Variants in TUT4 observed in about 807,000 individuals in gnomAD.
The protein encoded by TUT4 is terminal uridylyl transferase 4, also known as terminal uridylyltransferase 4.
A neutral mutation model predicts 192.2 loss-of-function variants in TUT4; 36 were observed. The observed-to-expected ratio is 0.19, with a 90% CI of 0.14 to 0.25. TUT4 has a LOEUF of 0.25. TUT4 is among the 10% of genes least tolerant of loss of function. TUT4 has a pLI of 1.00. For missense variants in TUT4, 1,493 were observed against 1,957.2 expected (o/e 0.76, Z 4.47); for synonymous variants, 618 against 666.0 (o/e 0.93, Z 1.11).
rs200310164 is a variant in TUT4, at chr1:52,431,064, G to A, written c.4660C>T (p.Arg1554Cys). The A allele has an allele frequency of 5.0e-5, 81 of 1,612,454 alleles. No individual in the cohort carries two copies. Among genetic ancestry groups the A allele is most frequent in the Middle Eastern group, 1.7e-4 (1 of 6,056 alleles). ...PNTSHDGHWP[R>C]TVAPNSLVNS... ...ACCAGGGAATTTGGAGCCACAGTAC[G>A]GGGCCAGTGTCCATCGTGAGACGTG... Residue 1554 changes from arginine to cysteine, a missense_variant, in exon 28 of 30, where the codon CGT (arginine) becomes TGT (cysteine). This residue lies in a region of TUT4 where 351 missense variants were observed against 397.8 expected (regional missense o/e 0.88). Transcript: ENST00000257177.
In TUT4 at chr1:52,508,825, AT is replaced by A. The variant is rs1430613991; in HGVS notation, c.999+770del. On this transcript the variant is annotated intron_variant, in intron 4 of 29. Coordinates refer to ENST00000257177, the MANE Select transcript of TUT4 (RefSeq NM_001009881.3). ...AATTAAATAGCTAATTTACTAATAC[AT>A]TTTTAAAAGCCCTCTATTCATATCT... Among the ~76,000 whole-genome samples the A allele has an allele frequency of 2.6e-5, 4 of 152,218 alleles. No individual in the cohort carries two copies. In the South Asian group the frequency reaches 8.3e-4, roughly 32 times the overall value.
Position 52,504,522 on chromosome 1 carries a change from C to T in TUT4, c.999+5074G>A, listed in dbSNP as rs374072669. On this transcript the variant is annotated intron_variant, in intron 4 of 29. Coordinates refer to ENST00000257177, the MANE Select transcript of TUT4 (RefSeq NM_001009881.3). Reference sequence around the variant, plus strand: ...GCATGCACTTGTAATCCCAGCTACTCGGGAGGCTGAAGCAGAAGAACTGCT... The same window carrying T: ...GCATGCACTTGTAATCCCAGCTACTTGGGAGGCTGAAGCAGAAGAACTGCT... 1.1e-4 allele frequency among the ~76,000 whole-genome samples: 17 copies of T among 152,104 alleles called. No individual in the cohort carries two copies. The South Asian group carries it at 2.9e-3, about 26-fold the overall frequency.
chr1:52,477,603 C>T (rs1021663008), intron 12 of TUT4, 105 bp downstream of exon 12: 2 of 1,082,356 alleles, frequency 1.8e-6, no homozygotes, highest in African/African-American at 3.2e-5. Flanking sequence ...AATCTAGTGA[C>T]ATATATATAT....
intron 3 of TUT4, among the ~76,000 whole-genome samples, chr1:52,514,366 A>C (rs946651936): frequency 6.6e-6 from 1 of 152,138 alleles, no homozygotes; most frequent in African/African-American, 2.4e-5. Context: ...GCTTGAACCC[A>C]GGAGGTAGAG....
chr1:52,482,340 A>C (rs1159852285), intron 9 of TUT4, among the ~76,000 whole-genome samples: 1 of 152,130 alleles, frequency 6.6e-6, no homozygotes, highest in African/African-American at 2.4e-5. Context: ...TTTCAACATT[A>C]TTTTACCAAA....
intron 11 of TUT4, among the ~76,000 whole-genome samples, chr1:52,480,249 C>A (rs1372849867): frequency 6.6e-6 from 1 of 152,044 alleles, no homozygotes; most frequent in Non-Finnish European, 1.5e-5. Context: ...AAAAAAGAAA[C>A]CAGCAAAGGA....
In TUT4 at chr1:52,474,917, T is replaced by C. The variant is rs772448859; in HGVS notation, c.2642A>G (p.Asp881Gly). ...ATSCNCKATE[D>G]ASDLNDDDNL... ...ATCATCATCATTAAGGTCAGAAGCA[T>C]CTTCTGTAGCTTTGCAGTTGCAAGA... Residue 881 changes from aspartate (D) to glycine (G), a missense_variant, in exon 13 of 30, where the codon GAT (aspartate) becomes GGT (glycine). Transcript: ENST00000257177. 1.2e-6 allele frequency: 2 copies of C among 1,614,154 alleles called. No individual in the cohort carries two copies. Among genetic ancestry groups the C allele is most frequent in the East Asian group, 2.2e-5 (1 of 44,874 alleles).
rs751863969 is a variant in TUT4 at position 52,423,901 on chromosome 1, A to G, written c.*34T>C. The G allele has an allele frequency of 2.5e-6, 4 of 1,607,388 alleles. No individual in the cohort carries two copies. The highest frequency in any genetic ancestry group is 3.4e-6 in the Non-Finnish European group (4 of 1,176,968). ...CAGCAGGATTGGCTGGTTGCTGTGC[A>G]TCGGTAGACCAGCTGAAAGAAAATG... On this transcript the variant is annotated 3_prime_UTR_variant, in exon 30 of 30. Coordinates refer to ENST00000257177, the MANE Select transcript of TUT4 (RefSeq NM_001009881.3).
chr1:52,469,761 G>C (rs1030218492), intron 14 of TUT4, among the ~76,000 whole-genome samples: 1 of 151,734 alleles, frequency 6.6e-6, no homozygotes, highest in Admixed American at 6.6e-5. Flanking sequence ...GTGATGGCAC[G>C]AGCCTGTAGT....
At chr1:52,528,703 G>C (rs1682530178) in intron 1 of TUT4, among the ~76,000 whole-genome samples, 1 of 151,778 alleles carries the variant, frequency 6.6e-6, no homozygotes, top group African/African-American at 2.4e-5. Flanking sequence ...TACAAATTTA[G>C]GTAAACATCT....
chr1:52,532,892 C>T (rs2149536945), intron 1 of TUT4, among the ~76,000 whole-genome samples: 1 of 152,296 alleles, frequency 6.6e-6, no homozygotes, highest in Non-Finnish European at 1.5e-5. Context: ...ATGTGGCCTT[C>T]TGATAAAGTT....
intron 1 of TUT4, among the ~76,000 whole-genome samples, chr1:52,541,248 T>G (rs1248254840): frequency 2.7e-5 from 4 of 145,620 alleles, no homozygotes; most frequent in Non-Finnish European, 6.0e-5. Flanking sequence ...AACTTCTACA[T>G]CAGGCTGGGC....
At chr1:52,525,469 A>G (rs979793052) in intron 2 of TUT4, 94 bp downstream of exon 2, 2 of 1,444,560 alleles carry the variant, frequency 1.4e-6, no homozygotes, top group Admixed American at 5.2e-5. Flanking sequence ...CTAAACAATT[A>G]TGTATAAACA....
chr1:52,446,817 C>A, intron 20 of TUT4, 150 bp from the exon 21 acceptor site: 2 of 581,582 alleles, frequency 3.4e-6, no homozygotes, highest in East Asian at 3.0e-5. Flanking sequence ...TAATTTGATG[C>A]CAAGAAGTTA....
intron 19 of TUT4, among the ~76,000 whole-genome samples, chr1:52,460,780 T>C (rs1662336632): frequency 6.6e-6 from 1 of 152,212 alleles, no homozygotes. Context: ...TGTTTTGTTT[T>C]CTGGGTCAGA....
chr1:52,498,558 C>T (rs976360515), intron 4 of TUT4, among the ~76,000 whole-genome samples: 12 of 151,480 alleles, frequency 7.9e-5, no homozygotes, highest in African/African-American at 2.9e-4. Context: ...CACTTAGGAT[C>T]CATCCAAAGA....
rs202157590 is a variant in TUT4, at chr1:52,423,587, T to A, written c.*348A>T. ...ATAGAAAATAAAGAATGTAATTTTT[T>A]AAATTCTCTCTTTATACAATTCATC... On this transcript the variant is annotated 3_prime_UTR_variant, in exon 30 of 30. Coordinates refer to ENST00000257177, the MANE Select transcript of TUT4 (RefSeq NM_001009881.3). 8 of 309,032 alleles carry A rather than the reference T, an allele frequency of 2.6e-5. No homozygotes were observed. Among genetic ancestry groups the A allele is most frequent in the Non-Finnish European group, 4.4e-5 (7 of 160,900 alleles). 19.1% of individuals were successfully genotyped at this position (309,032 alleles called of 1,614,324 possible).
intron 3 of TUT4, 21 bp from the exon 4 acceptor site, chr1:52,509,733 A>C: frequency 1.4e-6 from 2 of 1,400,090 alleles, no homozygotes; most frequent in Non-Finnish European, 2.0e-6. Flanking sequence ...AAATTTTAAA[A>C]ATGCACTTTA....
At chr1:52,520,644 C>G (rs1015096266) in intron 2 of TUT4, among the ~76,000 whole-genome samples, 1 of 152,164 alleles carries the variant, frequency 6.6e-6, no homozygotes, top group Non-Finnish European at 1.5e-5. Flanking sequence ...GCTGGTTCAC[C>G]TCTTTCCTTC....
Sources: gnomAD v4.1 joint callset for allele counts (sites outside exome capture counted in the v4.1 genomes callset) on GRCh38, gnomAD v4.1.1 for gene constraint, gnomAD v4.1.1 regional missense constraint, MANE v1.5 for transcripts, NCBI Gene and HGNC (gene_info 2026-07-23, HGNC 2026-07-21) for gene names.